Variants in MYRIP observed in about 807,000 individuals in gnomAD.
MYRIP encodes the protein rab effector MyRIP.
A neutral mutation model predicts 98.0 loss-of-function variants in MYRIP; 49 were observed. The observed-to-expected ratio is 0.50, with a 90% CI of 0.40 to 0.63. The LOEUF (loss-of-function observed/expected upper bound fraction) is 0.63. MYRIP is among the 30% of genes least tolerant of loss of function. The pLI, the probability that MYRIP is intolerant of heterozygous loss-of-function variation, is 0.00. For synonymous variants in MYRIP, 404 were observed against 409.5 expected (o/e 0.99, Z 0.16); for missense variants, 1,004 against 1,058.2 (o/e 0.95, Z 0.71).
chr3:39,913,161 CAG>C (rs58099926), intron 2 of MYRIP, among the ~76,000 whole-genome samples: 2,514 of 152,272 alleles, frequency 0.017, 65 homozygotes, highest in African/African-American at 0.057. Context: ...AGTCATGCCT[CAG>C]GGATACACTA....
At chr3:39,941,507 G>GTATA (rs1369613068) in intron 2 of MYRIP, among the ~76,000 whole-genome samples, 6 of 150,950 alleles carry the variant, frequency 4.0e-5, no homozygotes, top group African/African-American at 1.5e-4. Context: ...GTGTGTGTGT[G>GTATA]TGTATATATA....
chr3:39,858,676 A>C (rs1461804582), intron 1 of MYRIP, among the ~76,000 whole-genome samples: 1 of 152,174 alleles, frequency 6.6e-6, no homozygotes, highest in Non-Finnish European at 1.5e-5. Context: ...AGAAGTTTGG[A>C]ATCATTTCAA....
chr3:39,826,013 A>G (rs970354869), intron 1 of MYRIP, among the ~76,000 whole-genome samples: 10 of 151,742 alleles, frequency 6.6e-5, no homozygotes, highest in African/African-American at 2.4e-4. Context: ...CATTTTGGTG[A>G]TATCCATTGT....
chr3:40,092,768 T>G (rs1309377333), intron 3 of MYRIP, among the ~76,000 whole-genome samples: 1 of 152,238 alleles, frequency 6.6e-6, no homozygotes, highest in Non-Finnish European at 1.5e-5. Flanking sequence ...AGCTTGGATT[T>G]GAAACAGTTT....
chr3:39,903,103 C>T (rs1057376995), intron 2 of MYRIP, among the ~76,000 whole-genome samples: 4 of 152,202 alleles, frequency 2.6e-5, no homozygotes, highest in African/African-American at 9.7e-5. Flanking sequence ...TGACCAGTGA[C>T]ATGCCTTGAT....
intron 3 of MYRIP, among the ~76,000 whole-genome samples, chr3:40,092,833 C>T (rs1014881226): frequency 6.6e-6 from 1 of 152,162 alleles, no homozygotes. Flanking sequence ...TACCTAGGAA[C>T]TTGAGGTTAC....
intron 2 of MYRIP, among the ~76,000 whole-genome samples, chr3:40,029,384 A>G (rs1016614297): frequency 6.6e-6 from 1 of 152,204 alleles, no homozygotes; most frequent in East Asian, 1.9e-4. Flanking sequence ...TTATACAATA[A>G]TCAGGCAACA....
intron 2 of MYRIP, among the ~76,000 whole-genome samples, chr3:39,997,703 A>G (rs1163877992): frequency 1.3e-5 from 2 of 152,144 alleles, no homozygotes; most frequent in African/African-American, 4.8e-5. Context: ...CATCATCCTG[A>G]TACCAAAGCC....
intron 3 of MYRIP, among the ~76,000 whole-genome samples, chr3:40,078,234 A>C (rs539071042): frequency 5.9e-5 from 9 of 152,204 alleles, no homozygotes; most frequent in Non-Finnish European, 1.3e-4. Flanking sequence ...CGGCCCGCCA[A>C]GCCCACGCCC....
intron 3 of MYRIP, among the ~76,000 whole-genome samples, chr3:40,105,349 A>G (rs189033614): frequency 2.0e-5 from 3 of 152,302 alleles, no homozygotes; most frequent in South Asian, 2.1e-4. Flanking sequence ...TTGCATTGCT[A>G]TAAAGAAATA....
At chr3:39,987,163 C>G (rs1946051939) in intron 2 of MYRIP, among the ~76,000 whole-genome samples, 1 of 152,120 alleles carries the variant, frequency 6.6e-6, no homozygotes, top group Non-Finnish European at 1.5e-5. Flanking sequence ...CCTTTGCCCT[C>G]TACCCCACGA....
chr3:40,184,192 C>A (rs1950965802), intron 9 of MYRIP, among the ~76,000 whole-genome samples: 1 of 152,178 alleles, frequency 6.6e-6, no homozygotes, highest in Non-Finnish European at 1.5e-5. Context: ...TCTCTCTCTT[C>A]TTCCTCATTT....
intron 2 of MYRIP, among the ~76,000 whole-genome samples, chr3:39,934,203 C>T (rs778905530): frequency 2.7e-5 from 4 of 150,592 alleles, no homozygotes; most frequent in Non-Finnish European, 6.0e-5. Flanking sequence ...AAACTTGATG[C>T]TGTGCCCATG....
rs567017678 is a variant in MYRIP, at chr3:39,976,855, A to G, written c.111-67195A>G. Among the ~76,000 whole-genome samples, 92 of 152,244 alleles carry G rather than the reference A, an allele frequency of 6.0e-4. 1 individual carries two copies. Among genetic ancestry groups the G allele is most frequent in the African/African-American group, 2.0e-3 (83 of 41,560 alleles). ...GGTAGAAATTGAACAATGAGAACAC[A>G]TGGACACAGGAAGGGGAACATCACA... On this transcript the variant is annotated intron_variant, in intron 2 of 16. Transcript: ENST00000302541.
chr3:40,137,330 C>T lies in MYRIP; in HGVS notation c.333-13718C>T, dbSNP rs535328829. ...ACACATACAGTCTCCCAAGACTAAA[C>T]CAGGAAGAAGTTGAATCTCTGAATA... On this transcript the variant is annotated intron_variant, in intron 3 of 16. Transcript: ENST00000302541. 1.2e-4 allele frequency among the ~76,000 whole-genome samples: 19 copies of T among 152,222 alleles called. No individual in the cohort carries two copies. The East Asian group carries it at 3.7e-3, about 29-fold the overall frequency.
At chr3:39,915,931 GCTA>G (rs1944147941) in intron 2 of MYRIP, among the ~76,000 whole-genome samples, 1 of 151,708 alleles carries the variant, frequency 6.6e-6, no homozygotes, top group Non-Finnish European at 1.5e-5. Flanking sequence ...ATGTTTTAAT[GCTA>G]CTATTATCAA....
intron 1 of MYRIP, among the ~76,000 whole-genome samples, chr3:39,818,308 T>C (rs1316087703): frequency 6.6e-6 from 1 of 152,190 alleles, no homozygotes; most frequent in Non-Finnish European, 1.5e-5. Context: ...TGCCTTGCCT[T>C]TGATAAGTAT....
At chr3:39,873,761 G>A (rs1341320730) in intron 1 of MYRIP, among the ~76,000 whole-genome samples, 26 of 151,770 alleles carry the variant, frequency 1.7e-4, no homozygotes, top group South Asian at 1.7e-3. Context: ...ATAGTTTGAA[G>A]TCAGGTAGTG....
chr3:39,915,479 A>G (rs772164477), intron 2 of MYRIP, among the ~76,000 whole-genome samples: 39 of 152,118 alleles, frequency 2.6e-4, no homozygotes, highest in Middle Eastern at 3.4e-3. Flanking sequence ...GCTAACTAAA[A>G]ATTATATACT....
Sources: gnomAD v4.1 joint callset for allele counts (sites outside exome capture counted in the v4.1 genomes callset) on GRCh38, gnomAD v4.1.1 for gene constraint, MANE v1.5 for transcripts, NCBI Gene and HGNC (gene_info 2026-07-23, HGNC 2026-07-21) for gene names.